ARHGAP26: variants seen among roughly 807,000 people sequenced by gnomAD.
ARHGAP26 encodes the protein rho GTPase-activating protein 26.
Under a neutral mutation model 104.8 loss-of-function variants are expected in ARHGAP26, and 38 were observed. The ratio of observed to expected loss-of-function variants is 0.36; its 90% CI spans 0.28 to 0.48. The LOEUF is 0.48. Among genes scored for constraint, ARHGAP26 ranks in the 20% least tolerant of loss-of-function variants. The probability of loss-of-function intolerance (pLI) is 0.99; values close to 1 mark genes in which losing one functional copy is unlikely to be tolerated. For synonymous variants in ARHGAP26, 341 were observed against 340.0 expected (o/e 1.00, Z -0.03); for missense variants, 704 against 947.9 (o/e 0.74, Z 3.38).
intron 1 of ARHGAP26, among the ~76,000 whole-genome samples, chr5:142,830,612 CA>C (rs1215721607): frequency 6.6e-6 from 1 of 152,068 alleles, no homozygotes; most frequent in African/African-American, 2.4e-5. Flanking sequence ...TACCGGTCTT[CA>C]AAAAATGTTA....
At chr5:142,946,160 A>G (rs555256452) in intron 11 of ARHGAP26, among the ~76,000 whole-genome samples, 22 of 152,224 alleles carry the variant, frequency 1.4e-4, no homozygotes, top group Non-Finnish European at 4.4e-5. Flanking sequence ...AGCCTCTCTG[A>G]CATATATTCA....
At chr5:143,211,869 G>A (rs570919525) in intron 21 of ARHGAP26, among the ~76,000 whole-genome samples, 5 of 152,194 alleles carry the variant, frequency 3.3e-5, no homozygotes, top group East Asian at 1.9e-4. Context: ...ATTTTTTAAC[G>A]TACTATGTTA....
chr5:142,941,406 G>A (rs1766336076), intron 11 of ARHGAP26, among the ~76,000 whole-genome samples: 1 of 152,136 alleles, frequency 6.6e-6, no homozygotes, highest in South Asian at 2.1e-4. Context: ...CTATGAATGG[G>A]TGAAGAGTCT....
intron 20 of ARHGAP26, among the ~76,000 whole-genome samples, chr5:143,168,178 C>G (rs1170484393): frequency 1.3e-5 from 2 of 152,142 alleles, no homozygotes; most frequent in Admixed American, 6.6e-5. Flanking sequence ...ATGTGGGGAG[C>G]TGCTCATAGT....
chr5:143,145,469 C>T (rs1799042585), intron 19 of ARHGAP26, among the ~76,000 whole-genome samples: 3 of 152,134 alleles, frequency 2.0e-5, no homozygotes, highest in Admixed American at 6.5e-5. Flanking sequence ...TCTTTGTATG[C>T]GTGTCTTGTG....
chr5:143,189,106 T>A (rs773016013), intron 20 of ARHGAP26, among the ~76,000 whole-genome samples: 2 of 152,252 alleles, frequency 1.3e-5, no homozygotes, highest in Non-Finnish European at 2.9e-5. Context: ...TTTGCTGTTA[T>A]CAGCTACTAC....
chr5:143,193,546 C>T lies in ARHGAP26; in HGVS notation c.1989-13652C>T, dbSNP rs867736754. ...ATTACAGGCGTGAGCCACCATGCCC[C>T]GGCCTACAGTGCTTATGTTCAAGTA... On this transcript the variant is annotated intron_variant, in intron 20 of 22. Transcript: ENST00000645722. Among the ~76,000 whole-genome samples, 12 of 152,048 alleles carry T rather than the reference C, an allele frequency of 7.9e-5. No homozygotes were observed. In the South Asian group the frequency reaches 1.2e-3, roughly 16 times the overall value.
intron 1 of ARHGAP26, among the ~76,000 whole-genome samples, chr5:142,818,893 T>C (rs185003803): frequency 2.0e-5 from 3 of 152,146 alleles, no homozygotes; most frequent in Admixed American, 2.0e-4. Context: ...CCTGACCCTA[T>C]GATAAGGTTC....
At chr5:142,964,531 TTC>T (rs1306848709) in intron 11 of ARHGAP26, among the ~76,000 whole-genome samples, 1 of 138,584 alleles carries the variant, frequency 7.2e-6, no homozygotes, top group Non-Finnish European at 1.5e-5. Flanking sequence ...TGCCTTGCTT[TTC>T]TCTGTTTAAA....
intron 14 of ARHGAP26, among the ~76,000 whole-genome samples, chr5:143,051,125 A>G (rs1784951632): frequency 6.6e-6 from 1 of 152,202 alleles, no homozygotes; most frequent in Admixed American, 6.5e-5. Context: ...AGAGAAAAAG[A>G]TTAATTTGCA....
chr5:143,104,480 C>G (rs763277142), intron 17 of ARHGAP26, among the ~76,000 whole-genome samples: 1 of 152,158 alleles, frequency 6.6e-6, no homozygotes, highest in African/African-American at 2.4e-5. Flanking sequence ...CACTGCACTC[C>G]AGTCTGGGCG....
At chr5:143,194,328 G>A (rs1323031010) in intron 20 of ARHGAP26, among the ~76,000 whole-genome samples, 1 of 152,158 alleles carries the variant, frequency 6.6e-6, no homozygotes, top group Non-Finnish European at 1.5e-5. Context: ...AATGGTAAAA[G>A]GTAAAGAAAA....
chr5:143,053,766 C>T (rs141302843), intron 14 of ARHGAP26, among the ~76,000 whole-genome samples: 23 of 152,252 alleles, frequency 1.5e-4, no homozygotes, highest in African/African-American at 5.5e-4. Context: ...TACCACAGTC[C>T]ACCACTTTAA....
At chr5:142,891,427 A>G (rs1442850031) in intron 5 of ARHGAP26, among the ~76,000 whole-genome samples, 7 of 151,958 alleles carry the variant, frequency 4.6e-5, no homozygotes, top group African/African-American at 1.5e-4. Context: ...CTAGCATGAG[A>G]GACTTGAATA....
Position 143,193,858 on chromosome 5 carries a change from T to C in ARHGAP26, c.1989-13340T>C, listed in dbSNP as rs887356191. ...TATAAATTAAACTTTACCATAGATA[T>C]ATACATATAAAAAACATAGTATATA... On this transcript the variant is annotated intron_variant, in intron 20 of 22. Coordinates refer to ENST00000645722, the MANE Select transcript of ARHGAP26 (RefSeq NM_001135608.3). 6 of 152,368 alleles carry C rather than the reference T, an allele frequency of 3.9e-5. No homozygotes were observed. In the East Asian group the frequency reaches 1.2e-3, roughly 29 times the overall value. 9.4% of individuals were successfully genotyped at this position (152,368 alleles called of 1,614,324 possible). A position where few individuals can be genotyped will look rare whatever the true frequency, so the allele number is the denominator to read the frequency against.
At chr5:142,918,374 T>C (rs1251683998) in intron 10 of ARHGAP26, among the ~76,000 whole-genome samples, 1 of 152,204 alleles carries the variant, frequency 6.6e-6, no homozygotes, top group Non-Finnish European at 1.5e-5. Context: ...ATCAATCTCC[T>C]GACCTCAGGT....
chr5:142,920,521 A>G (rs746411529), intron 10 of ARHGAP26, among the ~76,000 whole-genome samples: 6 of 152,220 alleles, frequency 3.9e-5, no homozygotes, highest in African/African-American at 7.2e-5. Flanking sequence ...CCCTGAATCA[A>G]TAAAGTCTCT....
intron 17 of ARHGAP26, among the ~76,000 whole-genome samples, chr5:143,104,077 C>A (rs1793658160): frequency 6.7e-6 from 1 of 149,168 alleles, no homozygotes. Context: ...TTCAAAATAG[C>A]AATACCTTAT....
At chr5:143,095,831 C>G (rs1329706694) in intron 17 of ARHGAP26, among the ~76,000 whole-genome samples, 1 of 152,218 alleles carries the variant, frequency 6.6e-6, no homozygotes, top group Non-Finnish European at 1.5e-5. Flanking sequence ...CTCAGCCTCC[C>G]AAAGTGCTGG....
Sources: gnomAD v4.1 joint callset for allele counts (sites outside exome capture counted in the v4.1 genomes callset) on GRCh38, gnomAD v4.1.1 for gene constraint, MANE v1.5 for transcripts, NCBI Gene and HGNC (gene_info 2026-07-23, HGNC 2026-07-21) for gene names.